RPS6KC1: variants seen among roughly 807,000 people sequenced by gnomAD.
RPS6KC1 encodes the protein ribosomal protein S6 kinase C1, also known as inactive ribosomal protein S6 kinase delta-1.
In RPS6KC1, 54 loss-of-function variants were observed where a neutral mutation model predicts 103.8. The observed-to-expected ratio is 0.52, with a 90% CI of 0.42 to 0.65. The LOEUF (loss-of-function observed/expected upper bound fraction) is 0.65, where lower values mean the gene tolerates loss of function less well. RPS6KC1 is among the 30% of genes least tolerant of loss of function. RPS6KC1 has a pLI of 0.00. For synonymous variants in RPS6KC1, 439 were observed against 438.7 expected (o/e 1.00, Z -0.01); for missense variants, 1,151 against 1,253.8 (o/e 0.92, Z 1.24).
chr1:213,082,182 A>G (rs2079957552), intron 3 of RPS6KC1, among the ~76,000 whole-genome samples: 1 of 151,968 alleles, frequency 6.6e-6, no homozygotes, highest in Non-Finnish European at 1.5e-5. Flanking sequence ...GCACTTTGGG[A>G]GGCGTAGTCG....
At chr1:213,344,049 C>G in the RPS6KC1 span, among the ~76,000 whole-genome samples, 1 of 152,044 alleles carries the variant, frequency 6.6e-6, no homozygotes, top group African/African-American at 2.4e-5. Context: ...AATTTTATCT[C>G]CCACATAGCT....
At chr1:213,480,969 A>G in the RPS6KC1 span, among the ~76,000 whole-genome samples, 1 of 152,172 alleles carries the variant, frequency 6.6e-6, no homozygotes. Flanking sequence ...CATTTATGAG[A>G]CAGATCCTTC....
chr1:213,805,979 A>G, the RPS6KC1 span, among the ~76,000 whole-genome samples: 1 of 152,238 alleles, frequency 6.6e-6, no homozygotes. Flanking sequence ...GTTAATAAGC[A>G]GTAACATTTT....
chr1:213,724,305 C>T, the RPS6KC1 span, among the ~76,000 whole-genome samples: 1 of 152,200 alleles, frequency 6.6e-6, no homozygotes, highest in Non-Finnish European at 1.5e-5. Context: ...GTCTCAAACT[C>T]CTGACCTCAG....
At chr1:213,301,050 G>C in the RPS6KC1 span, among the ~76,000 whole-genome samples, 6 of 152,194 alleles carry the variant, frequency 3.9e-5, no homozygotes, top group South Asian at 2.1e-4. Context: ...CCCATGTCAG[G>C]GGCGCCCCCT....
chr1:213,696,502 CAAAAAAAAAAAAAAAAA>C, the RPS6KC1 span, among the ~76,000 whole-genome samples: 65,398 of 122,562 alleles, frequency 0.53, 17,504 homozygotes, highest in East Asian at 0.73. Context: ...AACTCCGTCT[CAAAAAAAAAAAAAAAAA>C]AAAAAAAAAA....
chr1:213,299,770 A>G, the RPS6KC1 span, among the ~76,000 whole-genome samples: 1 of 152,146 alleles, frequency 6.6e-6, no homozygotes, highest in South Asian at 2.1e-4. Flanking sequence ...TTTCATACTT[A>G]CAACACAGCT....
At chr1:213,823,251 C>T in the RPS6KC1 span, among the ~76,000 whole-genome samples, 2 of 152,174 alleles carry the variant, frequency 1.3e-5, no homozygotes, top group African/African-American at 4.8e-5. Context: ...ATGCTGATCA[C>T]ATGATAGTAT....
chr1:213,529,653 G>A, the RPS6KC1 span, among the ~76,000 whole-genome samples: 4 of 152,070 alleles, frequency 2.6e-5, no homozygotes, highest in Non-Finnish European at 5.9e-5. Context: ...AATTGAGCTC[G>A]CATAACTTAT....
the RPS6KC1 span, among the ~76,000 whole-genome samples, chr1:213,685,011 G>T: frequency 1.3e-5 from 2 of 152,286 alleles, no homozygotes; most frequent in South Asian, 4.1e-4. Context: ...AAAAAACAGA[G>T]CCTTAACTAA....
chr1:213,579,466 G>C, the RPS6KC1 span, among the ~76,000 whole-genome samples: 3 of 152,094 alleles, frequency 2.0e-5, no homozygotes, highest in Non-Finnish European at 4.4e-5. Context: ...AAGTGCTGAT[G>C]CAGAAGTTGT....
the RPS6KC1 span, among the ~76,000 whole-genome samples, chr1:213,848,496 A>T: frequency 6.6e-6 from 1 of 152,170 alleles, no homozygotes; most frequent in East Asian, 1.9e-4. Context: ...CTATATACAC[A>T]TATAGTATAT....
the RPS6KC1 span, among the ~76,000 whole-genome samples, chr1:213,798,753 T>A: frequency 0.16 from 24,960 of 152,186 alleles, 3,345 homozygotes; most frequent in African/African-American, 0.37. Context: ...CAATATTTAA[T>A]GACAGAATTT....
At chr1:213,757,080 C>G in the RPS6KC1 span, among the ~76,000 whole-genome samples, 1 of 152,168 alleles carries the variant, frequency 6.6e-6, no homozygotes, top group Admixed American at 6.5e-5. Context: ...CATCTCTCTC[C>G]TCCTTCTCAA....
At position 213,152,747 on chromosome 1, in the gene RPS6KC1, C is replaced by T. The variant is rs2089348027; in HGVS notation, c.836-15111C>T. Reference sequence around the variant, plus strand: ...GGCGGCCGGGCGGAGACGCTCCTCACTTTCCAGACTGGGCAGCCAGGCAGA... The same window carrying T: ...GGCGGCCGGGCGGAGACGCTCCTCATTTTCCAGACTGGGCAGCCAGGCAGA... On this transcript the variant is annotated intron_variant, in intron 6 of 14. Coordinates refer to ENST00000366960, the MANE Select transcript of RPS6KC1 (RefSeq NM_012424.6). Among the ~76,000 whole-genome samples the T allele has an allele frequency of 9.2e-5, 14 of 151,944 alleles. No individual in the cohort carries two copies. In the South Asian group the frequency reaches 2.9e-3, roughly 32 times the overall value.
At chr1:213,259,500 T>C (rs2094728923) in intron 12 of RPS6KC1, among the ~76,000 whole-genome samples, 1 of 152,132 alleles carries the variant, frequency 6.6e-6, no homozygotes, top group Admixed American at 6.5e-5. Flanking sequence ...GAGGTGAAAG[T>C]TGCAGTGAGC....
chr1:213,738,193 C>T, the RPS6KC1 span, among the ~76,000 whole-genome samples: 1 of 152,134 alleles, frequency 6.6e-6, no homozygotes, highest in African/African-American at 2.4e-5. Context: ...CATCAGGAAA[C>T]TTTATAGTCA....
the RPS6KC1 span, among the ~76,000 whole-genome samples, chr1:213,542,301 T>C: frequency 6.6e-6 from 1 of 152,216 alleles, no homozygotes; most frequent in Non-Finnish European, 1.5e-5. Flanking sequence ...AGTTATTTGC[T>C]ATGTCCATTC....
chr1:213,797,145 A>G, the RPS6KC1 span, among the ~76,000 whole-genome samples: 9 of 152,242 alleles, frequency 5.9e-5, no homozygotes, highest in African/African-American at 1.9e-4. Flanking sequence ...ACCATAAAAC[A>G]TCACTTTCAA....
Sources: allele counts gnomAD v4.1 joint callset (sites outside exome capture counted in the v4.1 genomes callset), GRCh38; gene constraint gnomAD v4.1.1; transcripts MANE v1.5; gene names NCBI Gene and HGNC (gene_info 2026-07-23, HGNC 2026-07-21).